CSGALNACT1: variants seen among roughly 807,000 people sequenced by gnomAD.
The protein encoded by CSGALNACT1 is chondroitin sulfate N-acetylgalactosaminyltransferase 1, also known as beta4GalNAcT-1.
In CSGALNACT1, 52 loss-of-function variants were observed where a neutral mutation model predicts 51.0. The ratio of observed to expected loss-of-function variants is 1.02; its 90% confidence interval spans 0.82 to 1.29. The LOEUF (loss-of-function observed/expected upper bound fraction) is 1.29, where lower values mean the gene tolerates loss of function less well. Ranked by LOEUF, CSGALNACT1 falls within the 50% of genes most tolerant of loss-of-function variation. The probability of loss-of-function intolerance (pLI) is 0.00; values close to 1 mark genes in which losing one functional copy is unlikely to be tolerated. For missense variants in CSGALNACT1, 935 were observed against 679.2 expected (o/e 1.38, Z -4.19); for synonymous variants, 341 against 254.4 (o/e 1.34, Z -3.24).
At chr8:19,475,418 A>T (rs890497644) in intron 4 of CSGALNACT1, among the ~76,000 whole-genome samples, 7 of 152,144 alleles carry the variant, frequency 4.6e-5, no homozygotes, top group African/African-American at 1.7e-4. Flanking sequence ...TACAGCTAAA[A>T]CAAAATCTGT....
chr8:19,445,411 G>A (rs1586174705), intron 5 of CSGALNACT1, among the ~76,000 whole-genome samples: 1 of 152,284 alleles, frequency 6.6e-6, no homozygotes, highest in East Asian at 1.9e-4. Context: ...TCCCTCTCTG[G>A]TATTTTTAAA....
chr8:19,603,338 T>A (rs1487886355), upstream of CSGALNACT1, among the ~76,000 whole-genome samples: 1 of 152,192 alleles, frequency 6.6e-6, no homozygotes, highest in African/African-American at 2.4e-5. Context: ...GTCTATTTTG[T>A]ACCCACCCAC....
chr8:19,628,910 G>T (rs1369564328), intron 1 of CSGALNACT1, among the ~76,000 whole-genome samples: 1 of 152,188 alleles, frequency 6.6e-6, no homozygotes, highest in Non-Finnish European at 1.5e-5. Context: ...AACACAGCAT[G>T]CAAAGGCCTG....
chr8:19,489,066 A>G (rs2073781904), intron 4 of CSGALNACT1, among the ~76,000 whole-genome samples: 1 of 152,190 alleles, frequency 6.6e-6, no homozygotes, highest in Admixed American at 6.5e-5. Flanking sequence ...TGGAGATGAG[A>G]GATGGGGAGA....
intron 8 of CSGALNACT1, among the ~76,000 whole-genome samples, chr8:19,412,292 T>G (rs1430844639): frequency 6.6e-6 from 1 of 152,218 alleles, no homozygotes; most frequent in African/African-American, 2.4e-5. Context: ...ACAGGAAGTT[T>G]CCAGAGCCAC....
rs755760391 is a variant in CSGALNACT1 at position 19,705,655 on chromosome 8, T to C, written c.-297+52195A>G. On this transcript the variant is annotated intron_variant, in intron 1 of 1. Transcript: ENST00000517494. Reference sequence around the variant, plus strand: ...GGAAGCCTGAGGTGGGAGGATTGCCTGAGCCGGGGAGGGGGAGGCTGCAGT... The same window carrying C: ...GGAAGCCTGAGGTGGGAGGATTGCCCGAGCCGGGGAGGGGGAGGCTGCAGT... Among the ~76,000 whole-genome samples, 14 of 152,058 alleles carry C rather than the reference T, an allele frequency of 9.2e-5. 1 individual carries two copies. The highest frequency in any genetic ancestry group is 8.3e-4 in the South Asian group (4 of 4,822).
At chr8:19,744,305 G>T (rs1047305707) in intron 1 of CSGALNACT1, among the ~76,000 whole-genome samples, 1 of 152,158 alleles carries the variant, frequency 6.6e-6, no homozygotes, top group Non-Finnish European at 1.5e-5. Flanking sequence ...CTGTCCTCAT[G>T]CTCAGCGGAC....
At chr8:19,595,600 A>G (rs186307818) in intron 2 of CSGALNACT1, among the ~76,000 whole-genome samples, 1 of 152,096 alleles carries the variant, frequency 6.6e-6, no homozygotes, top group Non-Finnish European at 1.5e-5. Context: ...ACTTGACTAT[A>G]TGATCATATT....
intron 1 of CSGALNACT1, among the ~76,000 whole-genome samples, chr8:19,749,586 T>C (rs1362706263): frequency 1.3e-5 from 2 of 152,120 alleles, no homozygotes; most frequent in East Asian, 3.9e-4. Flanking sequence ...CTCAGTATCA[T>C]AAAACCACTT....
chr8:19,699,450 C>T (rs1183077890), intron 1 of CSGALNACT1, among the ~76,000 whole-genome samples: 1 of 152,200 alleles, frequency 6.6e-6, no homozygotes, highest in African/African-American at 2.4e-5. Context: ...GAATATTACT[C>T]AGCCTTAAAA....
At chr8:19,613,854 G>T (rs1283340148) in intron 1 of CSGALNACT1, among the ~76,000 whole-genome samples, 2 of 152,130 alleles carry the variant, frequency 1.3e-5, no homozygotes, top group Non-Finnish European at 1.5e-5. Context: ...TTATTTTAGG[G>T]TGATTTTATT....
At chr8:19,543,361 C>T (rs1258258043) in intron 3 of CSGALNACT1, among the ~76,000 whole-genome samples, 1 of 152,188 alleles carries the variant, frequency 6.6e-6, no homozygotes, top group East Asian at 1.9e-4. Context: ...GAAAGTCCTG[C>T]AAGATCCGCC....
At chr8:19,542,354 G>A (rs1341553284) in intron 3 of CSGALNACT1, among the ~76,000 whole-genome samples, 1 of 152,090 alleles carries the variant, frequency 6.6e-6, no homozygotes, top group African/African-American at 2.4e-5. Context: ...TAATAAGAAG[G>A]GAAGAATGTT....
chr8:19,646,444 A>C (rs1025857151), intron 1 of CSGALNACT1, among the ~76,000 whole-genome samples: 2 of 152,246 alleles, frequency 1.3e-5, no homozygotes, highest in Admixed American at 1.3e-4. Flanking sequence ...ACTGAAAATC[A>C]TTTGCAACAT....
chr8:19,650,337 T>A (rs985509174), intron 1 of CSGALNACT1, among the ~76,000 whole-genome samples: 1 of 152,140 alleles, frequency 6.6e-6, no homozygotes, highest in East Asian at 1.9e-4. Flanking sequence ...CTGTGAGCAG[T>A]GTGAAATAAA....
At chr8:19,619,977 A>G (rs2053604070) in intron 1 of CSGALNACT1, among the ~76,000 whole-genome samples, 1 of 152,180 alleles carries the variant, frequency 6.6e-6, no homozygotes, top group African/African-American at 2.4e-5. Context: ...AAGGAGGAGA[A>G]TAATGGGACC....
chr8:19,523,987 A>G (rs541743234), intron 3 of CSGALNACT1, among the ~76,000 whole-genome samples: 2 of 152,302 alleles, frequency 1.3e-5, no homozygotes, highest in Admixed American at 6.5e-5. Flanking sequence ...TACCCAAATC[A>G]TCATGGATAT....
intron 3 of CSGALNACT1, among the ~76,000 whole-genome samples, chr8:19,562,812 G>T (rs1246602978): frequency 6.6e-6 from 1 of 152,132 alleles, no homozygotes; most frequent in African/African-American, 2.4e-5. Context: ...AAACAGGAAC[G>T]CTCTTACACT....
intron 3 of CSGALNACT1, among the ~76,000 whole-genome samples, chr8:19,509,893 G>C (rs1017607278): frequency 6.6e-6 from 1 of 152,112 alleles, no homozygotes; most frequent in African/African-American, 2.4e-5. Flanking sequence ...CAGCAGCATT[G>C]AGCTACTATT....
Sources: allele counts gnomAD v4.1 joint callset (sites outside exome capture counted in the v4.1 genomes callset), GRCh38; gene constraint gnomAD v4.1.1; transcripts MANE v1.5; gene names NCBI Gene and HGNC (gene_info 2026-07-23, HGNC 2026-07-21).